ZNF37A: variants seen among roughly 807,000 people sequenced by gnomAD.
The protein encoded by ZNF37A is zinc finger protein 37a (KOX 21).
ZNF37A carries 10 observed loss-of-function variants against 12.3 expected under a neutral mutation model. That is an observed-to-expected ratio of 0.82 (90% confidence interval 0.50 to 1.38). ZNF37A has a LOEUF of 1.38. Ranked by LOEUF, ZNF37A falls within the 40% of genes most tolerant of loss-of-function variation. ZNF37A has a pLI of 0.00. For synonymous variants in ZNF37A, 207 were observed against 223.0 expected (o/e 0.93, Z 0.64); for missense variants, 580 against 651.2 (o/e 0.89, Z 1.19).
intron 5 of ZNF37A, among the ~76,000 whole-genome samples, chr10:38,109,047 C>T (rs1482167619): frequency 6.6e-6 from 1 of 152,106 alleles, no homozygotes; most frequent in Non-Finnish European, 1.5e-5. Context: ...AAATTCCAGG[C>T]CAATATCCCT....
chr10:38,115,398 C>T, intron 7 of ZNF37A, 108 bp downstream of exon 7: 1 of 1,447,630 alleles, frequency 6.9e-7, no homozygotes, highest in Non-Finnish European at 9.1e-7. Context: ...TTTAGAGGCT[C>T]CAGACCTTTG....
rs1171250384 is a variant in ZNF37A at position 38,119,968 on chromosome 10, C to G, written c.*1131C>G. On this transcript the variant is annotated 3_prime_UTR_variant, in exon 8 of 8. Coordinates refer to ENST00000685332, the MANE Select transcript of ZNF37A (RefSeq NM_001324250.3). ...AGTAGAAGAGAGTGGGTCCAGATTT[C>G]TGGTGGTTTCTGCCCTGCAGATGTC... The G allele has an allele frequency of 2.0e-5, 3 of 152,208 alleles. No homozygotes were observed. The highest frequency in any genetic ancestry group is 1.3e-4 in the Admixed American group (2 of 15,282). 9.4% of individuals were successfully genotyped at this position (152,208 alleles called of 1,614,324 possible).
At chr10:38,128,145 A>G (rs1460662589), downstream of ZNF37A, among the ~76,000 whole-genome samples, 2 of 152,214 alleles carry the variant, frequency 1.3e-5, no homozygotes, top group Non-Finnish European at 2.9e-5. Context: ...TATCTGCACT[A>G]AAGTGTGGGA....
exon 8 of ZNF37A, chr10:38,146,922 T>C: frequency 2.5e-6 from 1 of 393,854 alleles, no homozygotes; most frequent in Non-Finnish European, 4.5e-6. Flanking sequence ...TTGACCCACA[T>C]GTTTATTGAC....
Position 38,117,547 on chromosome 10 carries a change from C to G in ZNF37A, c.396C>G (p.Asp132Glu), listed in dbSNP as rs911335547. 6.2e-7 allele frequency: 1 copy of G among 1,613,430 alleles called. No homozygotes were observed. The highest frequency in any genetic ancestry group is 1.3e-5 in the African/African-American group (1 of 74,886). Residue 132 changes from aspartate (D) to glutamate (E), a missense_variant, in exon 8 of 8, where the codon GAC becomes GAG. Physicochemically the swap from Asp to Glu is conservative, Grantham distance 45 (BLOSUM62 2). Coordinates refer to ENST00000685332, the MANE Select transcript of ZNF37A (RefSeq NM_001324250.3). ...GGAACAGCTTCTGGCTGAATGAAGA[C>G]CTCATTTGGCATCAGAAAATTAAAA... ...KNGNSFWLNE[D>E]LIWHQKIKNW...
chr10:38,110,222 A>G (rs2068520769), intron 5 of ZNF37A, among the ~76,000 whole-genome samples: 1 of 152,182 alleles, frequency 6.6e-6, no homozygotes, highest in Non-Finnish European at 1.5e-5. Flanking sequence ...CAAACCTGAA[A>G]AAAGCAATGG....
intron 5 of ZNF37A, among the ~76,000 whole-genome samples, chr10:38,099,778 C>G (rs2067415748): frequency 6.6e-6 from 1 of 152,118 alleles, no homozygotes; most frequent in Non-Finnish European, 1.5e-5. Context: ...CTTGCCAACA[C>G]TCGTTATTTT....
rs149714320 is a variant in ZNF37A, at chr10:38,118,195, G to A, written c.1044G>A (p.Thr348=). 1.1e-4 allele frequency: 177 copies of A among 1,612,878 alleles called. No individual in the cohort carries two copies. In the African/African-American group the frequency reaches 1.8e-3, roughly 16 times the overall value. The change falls in exon 8 of 8, where the codon ACG becomes ACA. Residue 348 remains threonine (T), a synonymous_variant. Coordinates refer to ENST00000685332, the MANE Select transcript of ZNF37A (RefSeq NM_001324250.3). ...CAACCCTTACTCAACATCAAAGAAC[G>A]CACACAGGGGAGAAACCATATGAAT... ...EKSTLTQHQR[T]HTGEKPYECH...
rs2069439757 is a variant in ZNF37A at position 38,118,197 on chromosome 10, A to C, written c.1046A>C (p.His349Pro). The C allele has an allele frequency of 6.2e-7, 1 of 1,613,980 alleles. No homozygotes were observed. The highest frequency in any genetic ancestry group is 1.7e-5 in the Admixed American group (1 of 59,974). ...ACCCTTACTCAACATCAAAGAACGCACACAGGGGAGAAACCATATGAATGT... is the reference window on the plus strand; with the variant it reads ...ACCCTTACTCAACATCAAAGAACGCCCACAGGGGAGAAACCATATGAATGT... The part of the protein sequence containing the change: ...KSTLTQHQRT[H>P]TGEKPYECHE... Residue 349 changes from histidine to proline, a missense_variant, in exon 8 of 8, where the codon CAC (histidine) becomes CCC (proline). By Grantham distance (77) the His-to-Pro change is moderately conservative. Transcript: ENST00000685332.
intron 5 of ZNF37A, among the ~76,000 whole-genome samples, chr10:38,105,699 G>A (rs2068008714): frequency 6.6e-6 from 1 of 152,126 alleles, no homozygotes; most frequent in African/African-American, 2.4e-5. Flanking sequence ...AACATATGAA[G>A]TTGTGAAGGG....
chr10:38,117,864 CA>C lies in ZNF37A; in HGVS notation c.715del (p.Ile239LeufsTer18). 6.2e-7 allele frequency: 1 copy of C among 1,613,938 alleles called. No individual in the cohort carries two copies. On this transcript the variant is annotated frameshift_variant, in exon 8 of 8. Coordinates refer to ENST00000685332, the MANE Select transcript of ZNF37A (RefSeq NM_001324250.3). LOFTEE classifies it low-confidence loss of function (END_TRUNC). The part of the protein sequence containing the change: ...LNLTPIQRTH[S>X]INNIIEYNEC... ...CTCACTCCAATTCAGAGAACCCACT[CA>C]ATTAACAATATTATTGAATATAATG...
chr10:38,109,416 G>A (rs527820904), intron 5 of ZNF37A, among the ~76,000 whole-genome samples: 5 of 152,204 alleles, frequency 3.3e-5, no homozygotes, highest in East Asian at 1.9e-4. Context: ...GAGCATTCCC[G>A]TTGAAAACCA....
At chr10:38,097,169 T>G (rs2067214378) in intron 5 of ZNF37A, among the ~76,000 whole-genome samples, 1 of 152,236 alleles carries the variant, frequency 6.6e-6, no homozygotes. Context: ...TAGGTGACAC[T>G]GTGAAACTTC....
At chr10:38,107,914 A>C (rs2068268741) in intron 5 of ZNF37A, among the ~76,000 whole-genome samples, 1 of 152,206 alleles carries the variant, frequency 6.6e-6, no homozygotes, top group Admixed American at 6.5e-5. Flanking sequence ...GGAGACTTTA[A>C]CAACCCACTG....
chr10:38,111,751 A>G (rs2068674130), intron 5 of ZNF37A, among the ~76,000 whole-genome samples: 2 of 152,122 alleles, frequency 1.3e-5, no homozygotes, highest in Admixed American at 1.3e-4. Flanking sequence ...TGCAGAGTAG[A>G]TCTAGTAAAA....
At chr10:38,096,249 T>C (rs2067147223) in intron 4 of ZNF37A, among the ~76,000 whole-genome samples, 1 of 152,220 alleles carries the variant, frequency 6.6e-6, no homozygotes, top group Non-Finnish European at 1.5e-5. Context: ...TTCTCTGGTT[T>C]GTAATAAAGA....
intron 5 of ZNF37A, among the ~76,000 whole-genome samples, chr10:38,105,875 A>G (rs1246864736): frequency 6.6e-6 from 1 of 152,168 alleles, no homozygotes; most frequent in Non-Finnish European, 1.5e-5. Flanking sequence ...TGCCAAAACT[A>G]TTTGTTAGCT....
In ZNF37A at chr10:38,112,793, T is replaced by TTCTTTTCTTG. The variant is rs1554929952; in HGVS notation, c.16-1958_16-1957insTTCTTGTCTT. On this transcript the variant is annotated intron_variant, in intron 5 of 7. Coordinates refer to ENST00000685332, the MANE Select transcript of ZNF37A (RefSeq NM_001324250.3). ...TTCTTTTCTTTTCTTTTCTTTTCTTTTCTTGTCTTGTCTTGTCTTCTTTTC... is the reference window on the plus strand; with the variant it reads ...TTCTTTTCTTTTCTTTTCTTTTCTTTTCTTTTCTTGTCTTGTCTTGTCTTGTCTTCTTTTC... Among the ~76,000 whole-genome samples, 78 of 48,750 alleles carry TTCTTTTCTTG rather than the reference T, an allele frequency of 1.6e-3. 3 individuals are homozygous for TTCTTTTCTTG. Among genetic ancestry groups the TTCTTTTCTTG allele is most frequent in the South Asian group, 5.4e-3 (10 of 1,844 alleles). 32.0% of individuals were successfully genotyped at this position (48,750 alleles called of 152,430 possible). A position where few individuals can be genotyped will look rare whatever the true frequency, so the allele number is the denominator to read the frequency against.
chr10:38,111,122 G>C (rs176876), intron 5 of ZNF37A, among the ~76,000 whole-genome samples: 74,789 of 151,950 alleles, frequency 0.49, 18,606 homozygotes, highest in East Asian at 0.54. Context: ...AGAAAATGTG[G>C]CACATATACA....
Sources: gnomAD v4.1 joint callset for allele counts (sites outside exome capture counted in the v4.1 genomes callset) on GRCh38, gnomAD v4.1.1 for gene constraint, MANE v1.5 for transcripts, NCBI Gene and HGNC (gene_info 2026-07-23, HGNC 2026-07-21) for gene names.